USH2A: variants seen among roughly 807,000 people sequenced by gnomAD.
USH2A encodes the protein usherin, also known as Usher syndrome 2A (autosomal recessive, mild).
A neutral mutation model predicts 538.9 loss-of-function variants in USH2A; 443 were observed. The observed-to-expected ratio is 0.82, with a 90% CI of 0.76 to 0.89. The LOEUF is 0.89. Among genes scored for constraint, USH2A ranks in the 40% least tolerant of loss-of-function variants. The pLI is 0.00. For missense variants in USH2A, 6,633 were observed against 6,324.8 expected, an observed-to-expected ratio of 1.05 and a Z score of -1.65; for synonymous variants, 2,413 against 2,273.5, an observed-to-expected ratio of 1.06 and a Z score of -1.75.
intron 37 of USH2A, among the ~76,000 whole-genome samples, chr1:215,942,959 A>C (rs1359142918): frequency 6.6e-6 from 1 of 152,182 alleles, no homozygotes; most frequent in African/African-American, 2.4e-5. Context: ...AAAGCTATAT[A>C]ATAGGATCTC....
At chr1:215,865,589 T>C (rs903446668) in intron 44 of USH2A, among the ~76,000 whole-genome samples, 1 of 152,196 alleles carries the variant, frequency 6.6e-6, no homozygotes, top group South Asian at 2.1e-4. Context: ...AATGGAAATA[T>C]GCCTTAAAAC....
At chr1:215,884,492 T>C (rs984507354) in intron 41 of USH2A, among the ~76,000 whole-genome samples, 1 of 152,206 alleles carries the variant, frequency 6.6e-6, no homozygotes, top group African/African-American at 2.4e-5. Flanking sequence ...CTTATGCAGA[T>C]TACTTAATCC....
rs543247011 is a variant in USH2A at position 216,039,795 on chromosome 1, C to T, written c.6325+6636G>A. Among the ~76,000 whole-genome samples the T allele has an allele frequency of 8.6e-4, 130 of 151,824 alleles. 1 individual carries two copies. In the South Asian group the frequency reaches 0.016, roughly 19 times the overall value. On this transcript the variant is annotated intron_variant, in intron 32 of 71. Coordinates refer to ENST00000307340, the MANE Select transcript of USH2A (RefSeq NM_206933.4). Reference sequence around the variant, plus strand: ...TGTGCCATAAGCAATACAGCTTCTTCGTCAATAAATTTCCCATCGTAAGAC... The same window carrying T: ...TGTGCCATAAGCAATACAGCTTCTTTGTCAATAAATTTCCCATCGTAAGAC...
At position 215,693,382 on chromosome 1, in the gene USH2A, A is replaced by T. The variant is rs563468065; in HGVS notation, c.12067-13006T>A. Among the ~76,000 whole-genome samples, 15 of 152,130 alleles carry T rather than the reference A, an allele frequency of 9.9e-5. No individual in the cohort carries two copies. The South Asian group carries it at 2.3e-3, about 23-fold the overall frequency. ...TTGGTGTATCCCATTTCATCTTCACATGAAGCTAGGAGATTTGTATTGTTA... is the reference window on the plus strand; with the variant it reads ...TTGGTGTATCCCATTTCATCTTCACTTGAAGCTAGGAGATTTGTATTGTTA... On this transcript the variant is annotated intron_variant, in intron 61 of 71. Coordinates refer to ENST00000307340, the MANE Select transcript of USH2A (RefSeq NM_206933.4).
chr1:215,741,039 AGG>A (rs531009226), intron 60 of USH2A, among the ~76,000 whole-genome samples: 115 of 152,284 alleles, frequency 7.6e-4, no homozygotes, highest in African/African-American at 2.7e-3. Context: ...CCTGGGGGTT[AGG>A]AACCCCTGCT....
At chr1:215,962,134 C>G (rs764520422) in intron 37 of USH2A, among the ~76,000 whole-genome samples, 4 of 151,870 alleles carry the variant, frequency 2.6e-5, no homozygotes, top group African/African-American at 9.7e-5. Flanking sequence ...TTTAACATAT[C>G]GAATTGGCAA....
intron 4 of USH2A, among the ~76,000 whole-genome samples, chr1:216,350,641 GT>G (rs1427978196): frequency 6.6e-6 from 1 of 152,108 alleles, no homozygotes; most frequent in Non-Finnish European, 1.5e-5. Context: ...GGGCACATTG[GT>G]GGGAGGAGTG....
chr1:216,056,932 A>C (rs949337621), intron 30 of USH2A, among the ~76,000 whole-genome samples: 2 of 152,190 alleles, frequency 1.3e-5, no homozygotes, highest in African/African-American at 4.8e-5. Context: ...CTGGCTGTGC[A>C]TTCTTCTTCT....
chr1:216,115,018 CTCTA>C (rs1340600082), intron 21 of USH2A, among the ~76,000 whole-genome samples: 1 of 152,028 alleles, frequency 6.6e-6, no homozygotes, highest in African/African-American at 2.4e-5. Flanking sequence ...ATAGAGAGAG[CTCTA>C]TCTATGTAGA....
chr1:216,338,045 G>A (rs1180824957), intron 4 of USH2A, among the ~76,000 whole-genome samples: 3 of 151,140 alleles, frequency 2.0e-5, no homozygotes, highest in African/African-American at 7.3e-5. Context: ...GATATACTAT[G>A]ATCATGGATG....
At chr1:215,678,336 C>T (rs1339957798) in intron 62 of USH2A, among the ~76,000 whole-genome samples, 2 of 152,200 alleles carry the variant, frequency 1.3e-5, no homozygotes, top group Non-Finnish European at 2.9e-5. Flanking sequence ...ACCAGTCCCT[C>T]CAACCTCTTC....
At chr1:215,762,529 G>A (rs1334775754) in intron 56 of USH2A, among the ~76,000 whole-genome samples, 1 of 152,158 alleles carries the variant, frequency 6.6e-6, no homozygotes, top group Non-Finnish European at 1.5e-5. Context: ...ATGCCCATTG[G>A]TTTGATTGAT....
At chr1:215,880,593 T>C (rs1029341000) in intron 41 of USH2A, among the ~76,000 whole-genome samples, 10 of 152,292 alleles carry the variant, frequency 6.6e-5, no homozygotes, top group South Asian at 6.2e-4. Context: ...AGCACAGATA[T>C]AGGACGCTAT....
intron 62 of USH2A, among the ~76,000 whole-genome samples, chr1:215,678,755 C>G (rs963897916): frequency 1.3e-5 from 2 of 152,116 alleles, no homozygotes; most frequent in African/African-American, 2.4e-5. Context: ...CACACACGGT[C>G]TGTAACATCA....
chr1:216,019,386 C>T (rs1668790634), intron 32 of USH2A, among the ~76,000 whole-genome samples: 1 of 152,100 alleles, frequency 6.6e-6, no homozygotes, highest in Non-Finnish European at 1.5e-5. Flanking sequence ...CCATTAAAGA[C>T]CAGGCTAATA....
intron 26 of USH2A, among the ~76,000 whole-genome samples, chr1:216,081,122 C>T (rs1473232304): frequency 2.6e-5 from 4 of 152,008 alleles, no homozygotes; most frequent in South Asian, 2.1e-4. Context: ...AACTGAAAAG[C>T]GAGGTGGCTG....
At chr1:215,881,971 T>A (rs1400979164) in intron 41 of USH2A, among the ~76,000 whole-genome samples, 1 of 152,196 alleles carries the variant, frequency 6.6e-6, no homozygotes, top group Non-Finnish European at 1.5e-5. Context: ...TTCCCCATTT[T>A]AAGCAGAAAC....
At chr1:216,022,685 A>G (rs1374412759) in intron 32 of USH2A, among the ~76,000 whole-genome samples, 1 of 152,206 alleles carries the variant, frequency 6.6e-6, no homozygotes, top group Non-Finnish European at 1.5e-5. Flanking sequence ...CAGCTTTGGT[A>G]CTAGCAGAAT....
At chr1:215,859,717 C>T (rs551464265) in intron 44 of USH2A, among the ~76,000 whole-genome samples, 14 of 152,192 alleles carry the variant, frequency 9.2e-5, no homozygotes, top group African/African-American at 3.1e-4. Context: ...TTAGAGGCCC[C>T]GTCTCCAAAT....
Sources: allele counts gnomAD v4.1 joint callset (sites outside exome capture counted in the v4.1 genomes callset), GRCh38; gene constraint gnomAD v4.1.1; transcripts MANE v1.5; gene names NCBI Gene and HGNC (gene_info 2026-07-23, HGNC 2026-07-21).